Variants in SEPTIN7 observed in about 807,000 individuals in gnomAD.
SEPTIN7 encodes septin-7.
In SEPTIN7, 10 loss-of-function variants were observed where a neutral mutation model predicts 63.3. That is an observed-to-expected ratio of 0.16 (90% confidence interval 0.10 to 0.27). The LOEUF (loss-of-function observed/expected upper bound fraction) is 0.27. Ranked by LOEUF, SEPTIN7 falls within the 10% of genes least tolerant of loss-of-function variation. The probability of loss-of-function intolerance (pLI) is 1.00; values close to 1 mark genes in which losing one functional copy is unlikely to be tolerated. For missense variants in SEPTIN7, 310 were observed against 521.0 expected, an observed-to-expected ratio of 0.59 and a Z score of 3.94; for synonymous variants, 131 against 165.3, an observed-to-expected ratio of 0.79 and a Z score of 1.59.
At chr7:35,833,106 C>T (rs1783911253) in intron 3 of SEPTIN7, among the ~76,000 whole-genome samples, 1 of 151,850 alleles carries the variant, frequency 6.6e-6, no homozygotes, top group Admixed American at 6.6e-5. Context: ...GTAGAAACTA[C>T]AAGTTGAGAA....
intron 4 of SEPTIN7, among the ~76,000 whole-genome samples, chr7:35,872,247 A>C (rs1284162786): frequency 6.6e-6 from 1 of 152,184 alleles, no homozygotes; most frequent in African/African-American, 2.4e-5. Flanking sequence ...TGTAAATGGT[A>C]GATTAGATGT....
intron 3 of SEPTIN7, among the ~76,000 whole-genome samples, chr7:35,843,630 G>T (rs769224367): frequency 3.9e-5 from 6 of 152,114 alleles, no homozygotes; most frequent in Non-Finnish European, 8.8e-5. Flanking sequence ...ATTTTGGACT[G>T]CCATAGAAAA....
In SEPTIN7 at chr7:35,832,124, A is replaced by C. The variant is rs145918229; in HGVS notation, c.66+628A>C. ...GAAACTATTGTTGAGGTCATCTAGGAATAAAAAACCAATAGAAAATGAAGT... is the reference window on the plus strand; with the variant it reads ...GAAACTATTGTTGAGGTCATCTAGGCATAAAAAACCAATAGAAAATGAAGT... On this transcript the variant is annotated intron_variant, in intron 2 of 13. Coordinates refer to ENST00000350320, the MANE Select transcript of SEPTIN7 (RefSeq NM_001788.6). 2.0e-4 allele frequency: 91 copies of C among 454,328 alleles called. 1 individual carries two copies. The East Asian group carries it at 6.1e-3, about 30-fold the overall frequency. 28.1% of individuals were successfully genotyped at this position (454,328 alleles called of 1,614,324 possible).
the SEPTIN7 span, among the ~76,000 whole-genome samples, chr7:35,915,580 C>G: frequency 0.43 from 64,624 of 152,004 alleles, 14,229 homozygotes; most frequent in African/African-American, 0.53. Context: ...CACCGTTTTT[C>G]ATCTCTGCAT....
the SEPTIN7 span, among the ~76,000 whole-genome samples, chr7:35,913,048 T>C: frequency 6.6e-6 from 1 of 152,234 alleles, no homozygotes; most frequent in Admixed American, 6.5e-5. Flanking sequence ...TAGCCTTTAG[T>C]TCTCTGGCCT....
chr7:35,808,246 C>T (rs781164979), intron 1 of SEPTIN7, among the ~76,000 whole-genome samples: 26 of 152,158 alleles, frequency 1.7e-4, no homozygotes, highest in Non-Finnish European at 3.4e-4. Flanking sequence ...GTTTCCTAGT[C>T]CTCGGCATCC....
intron 12 of SEPTIN7, chr7:35,902,002 CAAA>C (rs541333145): frequency 6.8e-6 from 1 of 146,474 alleles, no homozygotes; most frequent in Non-Finnish European, 1.5e-5. Flanking sequence ...TTCGGGCTTG[CAAA>C]AAAAAATTGT....
the SEPTIN7 span, among the ~76,000 whole-genome samples, chr7:35,914,490 T>C: frequency 6.6e-6 from 1 of 152,168 alleles, no homozygotes; most frequent in Non-Finnish European, 1.5e-5. Context: ...CGGGCTTTCT[T>C]TGGACTCAGG....
At chr7:35,809,613 G>T (rs1788568817) in intron 1 of SEPTIN7, among the ~76,000 whole-genome samples, 1 of 152,208 alleles carries the variant, frequency 6.6e-6, no homozygotes, top group Non-Finnish European at 1.5e-5. Flanking sequence ...TTCCATGCTG[G>T]AGAAGGTGAA....
intron 3 of SEPTIN7, among the ~76,000 whole-genome samples, chr7:35,854,222 A>G (rs900971244): frequency 3.9e-5 from 6 of 152,204 alleles, no homozygotes; most frequent in Non-Finnish European, 8.8e-5. Flanking sequence ...TGTAGCATCT[A>G]TCTCATGGTA....
intron 13 of SEPTIN7, 75 bp downstream of exon 13, chr7:35,903,290 C>A: frequency 1.4e-6 from 2 of 1,444,424 alleles, no homozygotes; most frequent in South Asian, 3.1e-5. Flanking sequence ...ATTTAAAAAA[C>A]ATTAGAATAA....
downstream of SEPTIN7, among the ~76,000 whole-genome samples, chr7:35,908,775 T>G (rs1468826564): frequency 6.6e-6 from 1 of 152,132 alleles, no homozygotes; most frequent in Non-Finnish European, 1.5e-5. Flanking sequence ...ACCGGGAGAT[T>G]TGCACGTAAG....
At chr7:35,804,099 G>A (rs1788173126) in intron 1 of SEPTIN7, among the ~76,000 whole-genome samples, 2 of 152,108 alleles carry the variant, frequency 1.3e-5, no homozygotes, top group South Asian at 2.1e-4. Context: ...TGTGAGGAAG[G>A]AAGACTTTAA....
chr7:35,845,412 T>C (rs1184625766), intron 3 of SEPTIN7, among the ~76,000 whole-genome samples: 2 of 152,218 alleles, frequency 1.3e-5, no homozygotes. Flanking sequence ...ATTTGATTAA[T>C]CCTTACTTTG....
intron 4 of SEPTIN7, among the ~76,000 whole-genome samples, chr7:35,871,013 A>C (rs1294848242): frequency 2.0e-5 from 3 of 152,110 alleles, no homozygotes; most frequent in African/African-American, 7.2e-5. Context: ...ATTGATACTG[A>C]GGATGATCAG....
At chr7:35,836,288 C>G (rs1200850134) in intron 3 of SEPTIN7, among the ~76,000 whole-genome samples, 1 of 152,058 alleles carries the variant, frequency 6.6e-6, no homozygotes, top group African/African-American at 2.4e-5. Context: ...ATTGTAATAT[C>G]CTGTTTTTAC....
chr7:35,865,185 A>G (rs900183821), intron 4 of SEPTIN7, among the ~76,000 whole-genome samples: 2 of 152,138 alleles, frequency 1.3e-5, no homozygotes, highest in African/African-American at 4.8e-5. Flanking sequence ...TAATTTGGGT[A>G]TCTATTAGGA....
chr7:35,879,757 G>A lies in SEPTIN7; in HGVS notation c.513-66G>A, dbSNP rs1583611767. On this transcript the variant is annotated intron_variant, in intron 6 of 13. Coordinates refer to ENST00000350320, the MANE Select transcript of SEPTIN7 (RefSeq NM_001788.6). ...GTTACATTGTATTTAACTAGCATTG[G>A]GGATGTGAAGAATCTTGTTCTCCCA... The A allele has an allele frequency of 9.5e-6, 8 of 838,472 alleles. No homozygotes were observed. In the East Asian group the frequency reaches 2.1e-4, roughly 22 times the overall value. The allele number at this position is 838,472 out of a possible 1,614,324, so 51.9% of individuals were successfully genotyped here. A position where few individuals can be genotyped will look rare whatever the true frequency, so the allele number is the denominator to read the frequency against.
chr7:35,883,476 C>G (rs1166385345), intron 8 of SEPTIN7, among the ~76,000 whole-genome samples: 4 of 152,098 alleles, frequency 2.6e-5, no homozygotes, highest in African/African-American at 9.7e-5. Flanking sequence ...AACAAATATA[C>G]TATTACCTGG....
Sources: gnomAD v4.1 joint callset for allele counts (sites outside exome capture counted in the v4.1 genomes callset) on GRCh38, gnomAD v4.1.1 for gene constraint, MANE v1.5 for transcripts, NCBI Gene and HGNC (gene_info 2026-07-23, HGNC 2026-07-21) for gene names.